Variants in EPC1 observed in about 807,000 individuals in gnomAD.
EPC1 encodes enhancer of polycomb homolog 1.
EPC1 carries 12 observed loss-of-function variants against 98.4 expected under a neutral mutation model. That is an observed-to-expected ratio of 0.12 (90% CI 0.08 to 0.20). The LOEUF (loss-of-function observed/expected upper bound fraction) is 0.20, where lower values mean the gene tolerates loss of function less well. Ranked by LOEUF, EPC1 falls within the 10% of genes least tolerant of loss-of-function variation. The pLI, the probability that EPC1 is intolerant of heterozygous loss-of-function variation, is 1.00. For synonymous variants in EPC1, 357 were observed against 363.9 expected, an observed-to-expected ratio of 0.98 and a Z score of 0.21; for missense variants, 729 against 990.5, an observed-to-expected ratio of 0.74 and a Z score of 3.54.
At chr10:32,356,766 C>T (rs1839291059) in intron 1 of EPC1, among the ~76,000 whole-genome samples, 1 of 152,094 alleles carries the variant, frequency 6.6e-6, no homozygotes, top group African/African-American at 2.4e-5. Context: ...GGGCGGATCA[C>T]GGGGTCAGGA....
rs1454018114 is a variant in EPC1 at position 32,293,112 on chromosome 10, T to C, written c.542A>G (p.Lys181Arg). 1.2e-6 allele frequency: 2 copies of C among 1,613,548 alleles called. No individual in the cohort carries two copies. Residue 181 changes from lysine (K) to arginine (R), a missense_variant, in exon 4 of 14, where the codon AAG becomes AGG. This residue lies in a region of EPC1 where 94 missense variants were observed against 125.1 expected (regional missense o/e 0.75). Transcript: ENST00000319778. ...AGATGGCCCTCGACAGTTTTTTCTC[T>C]TTTTAATCCAATATTCATAAACTTC... The part of the protein sequence containing the change: ...IREVYEYWIK[K>R]RKNCRGPSLI...
chr10:32,346,691 T>C lies in EPC1; in HGVS notation c.153+72A>G, dbSNP rs770058117. ...TGGCGGCCATTTTGTGTGGGTTTGC[T>C]GCTCCGCCGCCGCCGCAGGCAGCAG... On this transcript the variant is annotated intron_variant, in intron 1 of 13. Transcript: ENST00000319778. 125 of 1,477,800 alleles carry C rather than the reference T, an allele frequency of 8.5e-5. 5 individuals are homozygous for C. In the South Asian group the frequency reaches 1.4e-3, roughly 16 times the overall value. 91.5% of individuals were successfully genotyped at this position (1,477,800 alleles called of 1,614,324 possible).
rs527625808 is a variant in EPC1, at chr10:32,337,382, C to T, written c.153+9381G>A. Among the ~76,000 whole-genome samples, 30 of 152,278 alleles carry T rather than the reference C, an allele frequency of 2.0e-4. 2 individuals are homozygous for T. The South Asian group carries it at 6.2e-3, about 32-fold the overall frequency. On this transcript the variant is annotated intron_variant, in intron 1 of 13. Transcript: ENST00000319778. Reference sequence around the variant, plus strand: ...TGCTTTTCCCTAGACTTGGAAGTTCCTCATGGACAGGATCAGATCAGTTTT... The same window carrying T: ...TGCTTTTCCCTAGACTTGGAAGTTCTTCATGGACAGGATCAGATCAGTTTT...
At position 32,268,094 on chromosome 10, in the gene EPC1, CAAGTA is replaced by C. The variant is rs1327924800; in HGVS notation, c.*964_*968del. 1.3e-5 allele frequency: 2 copies of C among 152,060 alleles called. No individual in the cohort carries two copies. Among genetic ancestry groups the C allele is most frequent in the East Asian group, 1.9e-4 (1 of 5,198 alleles). 9.4% of individuals were successfully genotyped at this position (152,060 alleles called of 1,614,324 possible). On this transcript the variant is annotated 3_prime_UTR_variant, in exon 14 of 14. Transcript: ENST00000319778. ...CTCCCTTATATCCTTTTCGTAAGAA[CAAGTA>C]AAGAATGAAGTCTTTTAAACAATTC... is the stretch of plus-strand genomic sequence containing the variant.
intron 1 of EPC1, among the ~76,000 whole-genome samples, chr10:32,307,669 T>C (rs1835953835): frequency 6.6e-6 from 1 of 152,212 alleles, no homozygotes; most frequent in African/African-American, 2.4e-5. Flanking sequence ...GCAAGTTCTA[T>C]CTTCTACTTT....
intron 1 of EPC1, among the ~76,000 whole-genome samples, chr10:32,320,829 C>T (rs537178900): frequency 6.6e-6 from 1 of 152,202 alleles, no homozygotes; most frequent in Non-Finnish European, 1.5e-5. Context: ...TCAAGTGAAC[C>T]ACCTGCCTCA....
intron 1 of EPC1, among the ~76,000 whole-genome samples, chr10:32,371,332 C>T (rs1839742702): frequency 6.6e-6 from 1 of 152,064 alleles, no homozygotes; most frequent in African/African-American, 2.4e-5. Flanking sequence ...ATGGCAGCTT[C>T]CCTTTCTCAG....
rs761483921 is a variant in EPC1, at chr10:32,287,108, G to C, written c.1142C>G (p.Pro381Arg). 5.6e-6 allele frequency: 9 copies of C among 1,614,020 alleles called. No homozygotes were observed. The highest frequency in any genetic ancestry group is 3.3e-5 in the South Asian group (3 of 91,088). The change falls in exon 7 of 14, where the codon CCT becomes CGT. Residue 381 changes from proline (P) to arginine (R), a missense_variant. By Grantham distance (103) the Pro-to-Arg change is moderately radical. This residue lies in a region of EPC1 where 390 missense variants were observed against 438.6 expected (regional missense o/e 0.89). Transcript: ENST00000319778. ...GAATTGTATTTGTACCTGGGAGAGA[G>C]GTTCTTCGTCTGAGCTGGGAAAGTC... ...QYDFPSSDEE[P>R]LSQVLSGSSE...
At chr10:32,320,339 CCTTT>C (rs1178224003) in intron 1 of EPC1, among the ~76,000 whole-genome samples, 1 of 152,034 alleles carries the variant, frequency 6.6e-6, no homozygotes, top group Non-Finnish European at 1.5e-5. Context: ...TCTTAAATTC[CCTTT>C]CTTAATTTCT....
At chr10:32,371,350 G>C (rs1377486545) in intron 1 of EPC1, among the ~76,000 whole-genome samples, 10 of 152,086 alleles carry the variant, frequency 6.6e-5, no homozygotes, top group Non-Finnish European at 1.3e-4. Context: ...CAGTCTCATG[G>C]ATACTATGTC....
exon 1 of EPC1, chr10:32,378,619 G>T: frequency 3.0e-6 from 2 of 659,404 alleles, no homozygotes; most frequent in South Asian, 5.1e-5. Context: ...TAAAATGTTT[G>T]GTAAATAAAA....
intron 1 of EPC1, among the ~76,000 whole-genome samples, chr10:32,360,872 C>T (rs1048031933): frequency 1.4e-5 from 2 of 142,244 alleles, no homozygotes; most frequent in Admixed American, 1.5e-4. Flanking sequence ...CCAGCCTGGG[C>T]GACAGAGTGA....
At chr10:32,312,569 C>T (rs1007393152) in intron 1 of EPC1, among the ~76,000 whole-genome samples, 36 of 152,038 alleles carry the variant, frequency 2.4e-4, no homozygotes, top group African/African-American at 8.2e-4. Flanking sequence ...TATTTACTAC[C>T]GTTAACCATC....
At chr10:32,353,155 C>CAA (rs78044145) in intron 1 of EPC1, among the ~76,000 whole-genome samples, 1,367 of 73,412 alleles carry the variant, frequency 0.019, 25 homozygotes, top group African/African-American at 0.057. Context: ...AACTCCATTT[C>CAA]AAAAAAAAAA....
At chr10:32,277,962 C>T (rs941672181) in intron 10 of EPC1, among the ~76,000 whole-genome samples, 8 of 152,124 alleles carry the variant, frequency 5.3e-5, no homozygotes, top group Admixed American at 5.2e-4. Context: ...CTGCTCTGTG[C>T]ACTGCACTCT....
intron 2 of EPC1, among the ~76,000 whole-genome samples, chr10:32,303,855 A>G (rs1013981288): frequency 6.6e-6 from 1 of 152,256 alleles, no homozygotes; most frequent in Non-Finnish European, 1.5e-5. Flanking sequence ...TGGTTTTGAT[A>G]CTGTACAATA....
intron 1 of EPC1, among the ~76,000 whole-genome samples, chr10:32,364,679 T>C (rs940448333): frequency 6.6e-6 from 1 of 152,160 alleles, no homozygotes; most frequent in Non-Finnish European, 1.5e-5. Context: ...AGGGAATACA[T>C]GAAATTTTTT....
intron 10 of EPC1, among the ~76,000 whole-genome samples, chr10:32,277,674 C>T (rs1836171672): frequency 6.6e-6 from 1 of 152,160 alleles, no homozygotes; most frequent in South Asian, 2.1e-4. Context: ...GATCCTCCCA[C>T]CTCAGCCTCC....
At chr10:32,363,825 G>T (rs1228975092) in intron 1 of EPC1, among the ~76,000 whole-genome samples, 1 of 151,762 alleles carries the variant, frequency 6.6e-6, no homozygotes, top group Non-Finnish European at 1.5e-5. Flanking sequence ...AGCTAAACTT[G>T]CTCAATCTAC....
Sources: gnomAD v4.1 joint callset for allele counts (sites outside exome capture counted in the v4.1 genomes callset) on GRCh38, gnomAD v4.1.1 for gene constraint, gnomAD v4.1.1 regional missense constraint, MANE v1.5 for transcripts, NCBI Gene and HGNC (gene_info 2026-07-23, HGNC 2026-07-21) for gene names.